MACF1: variants seen among roughly 807,000 people sequenced by gnomAD.
MACF1 encodes the protein microtubule-actin cross-linking factor 1.
In MACF1, 193 loss-of-function variants were observed where a neutral mutation model predicts 854.8. That is an observed-to-expected ratio of 0.23 (90% confidence interval 0.20 to 0.25). The LOEUF (loss-of-function observed/expected upper bound fraction) is 0.25. Ranked by LOEUF, MACF1 falls within the 10% of genes least tolerant of loss-of-function variation. The pLI, the probability that MACF1 is intolerant of heterozygous loss-of-function variation, is 1.00. For synonymous variants in MACF1, 3,185 were observed against 3,226.7 expected, an observed-to-expected ratio of 0.99 and a Z score of 0.44; for missense variants, 7,722 against 8,929.1, an observed-to-expected ratio of 0.86 and a Z score of 5.45.
At chr1:39,446,978 CAA>C (rs1164284690) in intron 80 of MACF1, among the ~76,000 whole-genome samples, 2 of 152,068 alleles carry the variant, frequency 1.3e-5, no homozygotes, top group East Asian at 1.9e-4. Context: ...TGTATTTAAA[CAA>C]AGAGTACTAC....
intron 26 of MACF1, among the ~76,000 whole-genome samples, chr1:39,313,674 T>C (rs1396900920): frequency 2.0e-5 from 3 of 152,176 alleles, no homozygotes; most frequent in Non-Finnish European, 2.9e-5. Flanking sequence ...ATTGTTTTCA[T>C]TGTTTTGATG....
At chr1:39,200,272 C>CT (rs1644373171), upstream of MACF1, among the ~76,000 whole-genome samples, 1 of 152,200 alleles carries the variant, frequency 6.6e-6, no homozygotes. Flanking sequence ...ACTGAATCCT[C>CT]TTTTTTAGCC....
Position 39,442,862 on chromosome 1 carries a change from T to C in MACF1, c.19253T>C (p.Leu6418Ser). ...ATGAACCAATGCTGGGAGTCAGTGT[T>C]ACAGAAAACAGAGGAGAGGGAGCAG... Reference protein sequence around the residue: ...EAMNQCWESVLQKTEEREQQL... With the variant: ...EAMNQCWESVSQKTEEREQQL... Residue 6418 changes from leucine to serine, a missense_variant, in exon 78 of 101, where the codon TTA (leucine) becomes TCA (serine). Around this residue, in one of 15 missense-constraint regions of MACF1, gnomAD observed 729 missense variants for 900.5 expected, o/e 0.81. Transcript: ENST00000564288. 1 of 1,614,032 alleles carries C rather than the reference T, an allele frequency of 6.2e-7. No individual in the cohort carries two copies. The highest frequency in any genetic ancestry group is 8.5e-7 in the Non-Finnish European group (1 of 1,179,966).
intron 44 of MACF1, among the ~76,000 whole-genome samples, chr1:39,356,704 T>A (rs753012212): frequency 7.2e-5 from 11 of 152,224 alleles, no homozygotes; most frequent in Non-Finnish European, 1.3e-4. Flanking sequence ...ACATGTATGA[T>A]TTATTCAGCT....
rs767013280 is a variant in MACF1, at chr1:39,448,159, C to T, written c.20088+7C>T. On this transcript the variant is annotated splice_region_variant and intron_variant, in intron 83 of 100. Transcript: ENST00000564288. ...TCAGCTTTCTAAGCATAAGGTAAAGCAGTTAATTGCTCTTAGGTCCCAAGC... is the reference window on the plus strand; with the variant it reads ...TCAGCTTTCTAAGCATAAGGTAAAGTAGTTAATTGCTCTTAGGTCCCAAGC... The T allele has an allele frequency of 2.5e-6, 4 of 1,611,132 alleles. No homozygotes were observed. The South Asian group carries it at 3.3e-5, about 13-fold the overall frequency.
intron 2 of MACF1, among the ~76,000 whole-genome samples, chr1:39,188,334 G>A (rs560655244): frequency 7.2e-5 from 11 of 152,198 alleles, no homozygotes; most frequent in Non-Finnish European, 1.0e-4. Context: ...CTTGAGCCCC[G>A]GAGGTTGAAG....
At chr1:39,225,638 G>C (rs922258676) in intron 1 of MACF1, among the ~76,000 whole-genome samples, 1 of 152,206 alleles carries the variant, frequency 6.6e-6, no homozygotes, top group East Asian at 1.9e-4. Flanking sequence ...AGAGATGCTG[G>C]TGGTGGGGAG....
intron 40 of MACF1, among the ~76,000 whole-genome samples, chr1:39,341,422 A>G (rs1055775927): frequency 6.6e-6 from 1 of 150,834 alleles, no homozygotes; most frequent in Admixed American, 6.7e-5. Context: ...CTGGCCGGCC[A>G]TGGCAGCTCA....
At chr1:39,314,429 A>G (rs555032822) in intron 26 of MACF1, among the ~76,000 whole-genome samples, 1 of 152,234 alleles carries the variant, frequency 6.6e-6, no homozygotes, top group East Asian at 1.9e-4. Context: ...AAAAGAAAAC[A>G]TATATTTACA....
chr1:39,104,208 G>C (rs1193370291), intron 2 of MACF1, among the ~76,000 whole-genome samples: 1 of 152,114 alleles, frequency 6.6e-6, no homozygotes, highest in Admixed American at 6.5e-5. Flanking sequence ...TGCTAAATGG[G>C]GGGTGGCGGG....
intron 97 of MACF1, among the ~76,000 whole-genome samples, chr1:39,474,741 A>T (rs1369122934): frequency 6.6e-6 from 1 of 152,162 alleles, no homozygotes; most frequent in African/African-American, 2.4e-5. Context: ...GTATAAGTGT[A>T]TGTGTGTATA....
At position 39,175,876 on chromosome 1, in the gene MACF1, T is replaced by A. The variant is rs1369861910; in HGVS notation, c.221-55306T>A. On this transcript the variant is annotated intron_variant, in intron 2 of 93. Transcript: ENST00000361689. The stretch of plus-strand genomic sequence containing the variant: ...ACTTTGGGAGGCCAAGGAGGGTGGA[T>A]CACAAGGTCAGGAGATCAAGACCAT... Among the ~76,000 whole-genome samples the A allele has an allele frequency of 2.1e-5, 3 of 140,548 alleles. No homozygotes were observed. In the Admixed American group the frequency reaches 2.2e-4, roughly 10 times the overall value. The allele number at this position is 140,548 out of a possible 152,430, so 92.2% of individuals were successfully genotyped here.
In MACF1 at chr1:39,317,344, A is replaced by G. The variant is rs781533132; in HGVS notation, c.3719A>G (p.Tyr1240Cys). 6.8e-6 allele frequency: 11 copies of G among 1,613,868 alleles called. No homozygotes were observed. In the East Asian group the frequency reaches 8.9e-5, roughly 13 times the overall value. The change falls in exon 29 of 101, where the codon TAT becomes TGT. Residue 1240 changes from tyrosine to cysteine, a missense_variant. Physicochemically the swap from Tyr to Cys is radical, Grantham distance 194. Around this residue, in one of 15 missense-constraint regions of MACF1, gnomAD observed 1,137 missense variants for 1,263.0 expected, o/e 0.90. Coordinates refer to ENST00000564288, the MANE Select transcript of MACF1 (RefSeq NM_001394062.1). ...GAGCGAAATCTGGATTTGGAGCGCT[A>G]TCAGGAAAAAGGCTCCCAGCTGCAG... The part of the protein sequence containing the change: ...TPERNLDLER[Y>C]QEKGSQLQER...
chr1:39,296,802 A>AAGGAAGGAAGGAAGGAAAAG (rs1557571425), intron 20 of MACF1, among the ~76,000 whole-genome samples: 7 of 93,278 alleles, frequency 7.5e-5, no homozygotes, highest in African/African-American at 1.9e-4. Flanking sequence ...GGAAGGAAGG[A>AAGGAAGGAAGGAAGGAAAAG]AAAGAAAGAA....
chr1:39,345,656 C>T (rs755483108), intron 40 of MACF1, among the ~76,000 whole-genome samples: 17 of 152,136 alleles, frequency 1.1e-4, no homozygotes, highest in Non-Finnish European at 2.5e-4. Context: ...TATATTTTCT[C>T]AGTACTGGCC....
intron 58 of MACF1, among the ~76,000 whole-genome samples, chr1:39,389,800 TAATTG>T (rs1367373116): frequency 6.6e-6 from 1 of 152,244 alleles, no homozygotes; most frequent in Non-Finnish European, 1.5e-5. Context: ...AAATTATCAT[TAATTG>T]TTAAGATAAA....
chr1:39,358,573 G>A, intron 45 of MACF1, 124 bp from the exon 46 acceptor site: 1 of 852,304 alleles, frequency 1.2e-6, no homozygotes, highest in South Asian at 1.5e-5. Context: ...CATGGGTTCT[G>A]GCAATACCCT....
At chr1:39,285,859 A>G in intron 14 of MACF1, 101 bp downstream of exon 14, 2 of 1,342,922 alleles carry the variant, frequency 1.5e-6, no homozygotes, top group Non-Finnish European at 2.1e-6. Flanking sequence ...TTTAACCTGG[A>G]CATTTGAGGT....
intron 44 of MACF1, among the ~76,000 whole-genome samples, chr1:39,356,265 C>T (rs1335196589): frequency 1.3e-5 from 2 of 152,126 alleles, no homozygotes; most frequent in Non-Finnish European, 2.9e-5. Flanking sequence ...CTTATTATTA[C>T]CCAGAAATAC....
Sources: gnomAD v4.1 joint callset for allele counts (sites outside exome capture counted in the v4.1 genomes callset) on GRCh38, gnomAD v4.1.1 for gene constraint, gnomAD v4.1.1 regional missense constraint, MANE v1.5 for transcripts, NCBI Gene and HGNC (gene_info 2026-07-23, HGNC 2026-07-21) for gene names.